Variants in PGCKA1 observed in about 807,000 individuals in gnomAD.
The protein encoded by PGCKA1 is PDCD10 and GCKIII kinases associated 1, also known as PDCD10 and GCKIII kinases-associated protein 1.
chr4:37,502,838 C>G, the PGCKA1 span, among the ~76,000 whole-genome samples: 68 of 151,962 alleles, frequency 4.5e-4, no homozygotes, highest in Non-Finnish European at 7.4e-4. Flanking sequence ...ATGCGGCACC[C>G]TAGGGCACCC....
chr4:37,583,533 T>C, the PGCKA1 span, among the ~76,000 whole-genome samples: 1 of 151,948 alleles, frequency 6.6e-6, no homozygotes, highest in Admixed American at 6.6e-5. Flanking sequence ...GCCTCCCAGG[T>C]TCACGCCATT....
chr4:37,481,844 G>A, the PGCKA1 span, among the ~76,000 whole-genome samples: 14 of 152,248 alleles, frequency 9.2e-5, no homozygotes, highest in South Asian at 1.5e-3. Context: ...GAAAGGACCC[G>A]GTGGCAGGTA....
chr4:37,577,518 A>G, the PGCKA1 span, among the ~76,000 whole-genome samples: 1 of 152,016 alleles, frequency 6.6e-6, no homozygotes, highest in Non-Finnish European at 1.5e-5. Context: ...AAAAAAACCA[A>G]TCTTTTGTTG....
chr4:37,543,665 G>GAAAA, the PGCKA1 span, among the ~76,000 whole-genome samples: 3,661 of 147,978 alleles, frequency 0.025, 163 homozygotes, highest in African/African-American at 0.081. Flanking sequence ...CATCTCTACT[G>GAAAA]AAAAAAAAAA....
the PGCKA1 span, among the ~76,000 whole-genome samples, chr4:37,532,880 A>C: frequency 7.8e-6 from 1 of 127,910 alleles, no homozygotes; most frequent in Non-Finnish European, 1.8e-5. Flanking sequence ...ATGAAATGTC[A>C]TGCATTTTTG....
chr4:37,589,767 G>C, the PGCKA1 span, among the ~76,000 whole-genome samples: 3 of 152,220 alleles, frequency 2.0e-5, no homozygotes, highest in Admixed American at 6.5e-5. Flanking sequence ...GAGTAGCTGG[G>C]ATTACAGGTG....
At chr4:37,500,947 TTC>T in the PGCKA1 span, among the ~76,000 whole-genome samples, 2 of 152,212 alleles carry the variant, frequency 1.3e-5, no homozygotes, top group Non-Finnish European at 2.9e-5. Context: ...CCTTATTTTT[TTC>T]TGTTTTCATT....
the PGCKA1 span, among the ~76,000 whole-genome samples, chr4:37,484,751 T>A: frequency 6.6e-6 from 1 of 152,328 alleles, no homozygotes; most frequent in Non-Finnish European, 1.5e-5. Flanking sequence ...AGCTAGCCCC[T>A]TCCACCATGT....
At chr4:37,583,684 G>T in the PGCKA1 span, among the ~76,000 whole-genome samples, 1 of 152,046 alleles carries the variant, frequency 6.6e-6, no homozygotes, top group South Asian at 2.1e-4. Context: ...TGATAGCCTG[G>T]CCTTGTTTAA....
At chr4:37,566,873 C>T in the PGCKA1 span, among the ~76,000 whole-genome samples, 19 of 152,174 alleles carry the variant, frequency 1.2e-4, no homozygotes, top group Admixed American at 1.1e-3. Flanking sequence ...TGAGCCACCG[C>T]GCCTGGTCCT....
chr4:37,587,416 A>G, the PGCKA1 span, among the ~76,000 whole-genome samples: 6 of 151,910 alleles, frequency 3.9e-5, no homozygotes, highest in African/African-American at 1.5e-4. Flanking sequence ...TTATTTGTGG[A>G]TTTTATTTTT....
At chr4:37,558,671 G>C in the PGCKA1 span, among the ~76,000 whole-genome samples, 1 of 145,914 alleles carries the variant, frequency 6.9e-6, no homozygotes, top group Non-Finnish European at 1.5e-5. Context: ...TACAAAATGG[G>C]AGAAAATTTT....
At chr4:37,571,355 C>CATTTTTTTTT in the PGCKA1 span, among the ~76,000 whole-genome samples, 5 of 78,036 alleles carry the variant, frequency 6.4e-5, no homozygotes, top group Non-Finnish European at 6.6e-5. Flanking sequence ...GACTATTATC[C>CATTTTTTTTT]TTTTTTTTTT....
chr4:37,549,204 C>G, the PGCKA1 span, among the ~76,000 whole-genome samples: 1 of 152,240 alleles, frequency 6.6e-6, no homozygotes, highest in Admixed American at 6.5e-5. Flanking sequence ...ATCAATTAGT[C>G]AGCCCTTGTT....
the PGCKA1 span, among the ~76,000 whole-genome samples, chr4:37,531,891 CAAAAAAA>C: frequency 1.6e-4 from 11 of 70,934 alleles, no homozygotes; most frequent in East Asian, 1.8e-3. Flanking sequence ...GAATCTGTCT[CAAAAAAA>C]AAAAAAAAAA....
At chr4:37,496,481 T>C in the PGCKA1 span, among the ~76,000 whole-genome samples, 1 of 152,240 alleles carries the variant, frequency 6.6e-6, no homozygotes. Flanking sequence ...TTTGTACCAG[T>C]ACCATGCTGT....
the PGCKA1 span, among the ~76,000 whole-genome samples, chr4:37,559,802 G>T: frequency 6.6e-6 from 1 of 151,840 alleles, no homozygotes; most frequent in Non-Finnish European, 1.5e-5. Flanking sequence ...ATCTTTGTCC[G>T]AACTTGCATT....
chr4:37,507,535 C>G, the PGCKA1 span, among the ~76,000 whole-genome samples: 1 of 152,044 alleles, frequency 6.6e-6, no homozygotes, highest in East Asian at 1.9e-4. Flanking sequence ...CATAAACAAA[C>G]TAACAAAAAG....
the PGCKA1 span, among the ~76,000 whole-genome samples, chr4:37,557,833 C>A: frequency 2.6e-5 from 4 of 152,164 alleles, no homozygotes; most frequent in African/African-American, 9.7e-5. Flanking sequence ...AGGAGCTGGG[C>A]TGCAAACCCC....
Sources: gnomAD v4.1 joint callset for allele counts (sites outside exome capture counted in the v4.1 genomes callset) on GRCh38, gnomAD v4.1.1 for gene constraint, MANE v1.5 for transcripts, NCBI Gene and HGNC (gene_info 2026-07-23, HGNC 2026-07-21) for gene names.